The following TRAF3IP1 variants were observed in gnomAD, a reference collection of about 807,000 sequenced individuals.
TRAF3IP1 encodes the protein TRAF3-interacting protein 1.
In TRAF3IP1, 53 loss-of-function variants were observed where a neutral mutation model predicts 89.9. The ratio of observed to expected loss-of-function variants is 0.59; its 90% confidence interval spans 0.47 to 0.74. The LOEUF (loss-of-function observed/expected upper bound fraction) is 0.74. Ranked by LOEUF, TRAF3IP1 falls within the 30% of genes least tolerant of loss-of-function variation. The probability of loss-of-function intolerance (pLI) is 0.00; values close to 1 mark genes in which losing one functional copy is unlikely to be tolerated. For synonymous variants in TRAF3IP1, 311 were observed against 322.1 expected (o/e 0.97, Z 0.37); for missense variants, 806 against 866.1 (o/e 0.93, Z 0.87).
chr2:238,329,064 A>T lies in TRAF3IP1; in HGVS notation c.637A>T (p.Arg213Ter), dbSNP rs1010160458. ...CAAGGAGAATGGCGGAAACAGACAC[A>T]GAGAAGGGGAGAGAGAGAGAGCCAA... is the stretch of plus-strand genomic sequence containing the variant. ...KAKENGGNRH[R>*]EGERERAKAR... Residue 213 changes from arginine to a stop codon, truncating the protein, a stop_gained, in exon 5 of 17, where the codon AGA becomes TGA. Transcript: ENST00000373327. LOFTEE classifies it high-confidence loss of function. 2 of 1,551,554 alleles carry T rather than the reference A, an allele frequency of 1.3e-6. No individual in the cohort carries two copies. The highest frequency in any genetic ancestry group is 1.7e-6 in the Non-Finnish European group (2 of 1,147,002).
rs371256222 is a variant in TRAF3IP1, at chr2:238,388,322, CTG to C, written c.1690-9136_1690-9135del. ...CTGGGGAGGCGGAAGTTGCAGTGAG[CTG>C]AGATCGCGCCACTGCACTCCAGCCT... On this transcript the variant is annotated intron_variant, in intron 15 of 16. Coordinates refer to ENST00000373327, the MANE Select transcript of TRAF3IP1 (RefSeq NM_015650.4). Among the ~76,000 whole-genome samples, 60 of 145,916 alleles carry C rather than the reference CTG, an allele frequency of 4.1e-4. 1 individual carries two copies. The South Asian group carries it at 0.012, about 29-fold the overall frequency.
intron 15 of TRAF3IP1, among the ~76,000 whole-genome samples, chr2:238,391,932 T>A (rs1294449094): frequency 6.6e-6 from 1 of 152,262 alleles, no homozygotes. Flanking sequence ...TTGTGTATAA[T>A]AAAGACAATA....
intron 15 of TRAF3IP1, among the ~76,000 whole-genome samples, chr2:238,363,720 G>A (rs1459854894): frequency 1.3e-5 from 2 of 152,150 alleles, no homozygotes; most frequent in African/African-American, 2.4e-5. Context: ...CCAGCACTTT[G>A]GGAGGCCAAG....
At chr2:238,344,855 G>A (rs767175611) in intron 9 of TRAF3IP1, 44 of 617,766 alleles carry the variant, frequency 7.1e-5, no homozygotes, top group Non-Finnish European at 1.2e-4. Context: ...ATCACTTGGG[G>A]GGTGTCATGA....
rs757847604 is a variant in TRAF3IP1 at position 238,332,925 on chromosome 2, T to C, written c.987+30T>C. 34 of 1,527,032 alleles carry C rather than the reference T, an allele frequency of 2.2e-5. No homozygotes were observed. The East Asian group carries it at 7.0e-4, about 31-fold the overall frequency. 94.6% of individuals were successfully genotyped at this position (1,527,032 alleles called of 1,614,324 possible). On this transcript the variant is annotated intron_variant, in intron 6 of 16. Transcript: ENST00000373327. ...ACTTTAAAAAATAACTTTTAAGAGA[T>C]GTCAACTTGTAGCTGTGTTGAAATA...
At position 238,320,770 on chromosome 2, in the gene TRAF3IP1, C is replaced by CT; in HGVS notation, c.108_109insT (p.Asp37Ter). On this transcript the variant is annotated frameshift_variant, in exon 1 of 17. Transcript: ENST00000373327. LOFTEE classifies it high-confidence loss of function. ...GCAAGCCCCCGTTCCGCTACCTGCA[C>CT]GACATCATCACGGAGGTGGGCGCCG... The CT allele has an allele frequency of 1.4e-6, 2 of 1,426,922 alleles. No homozygotes were observed. Among genetic ancestry groups the CT allele is most frequent in the Middle Eastern group, 3.7e-4 (2 of 5,384 alleles). The allele number at this position is 1,426,922 out of a possible 1,614,324, so 88.4% of individuals were successfully genotyped here. A position where few individuals can be genotyped will look rare whatever the true frequency, so the allele number is the denominator to read the frequency against.
chr2:238,347,884 C>T (rs556681977), intron 10 of TRAF3IP1, among the ~76,000 whole-genome samples: 14 of 152,138 alleles, frequency 9.2e-5, no homozygotes, highest in Non-Finnish European at 1.9e-4. Flanking sequence ...GCCTCGGCCT[C>T]CCAAAGTTCT....
intron 15 of TRAF3IP1, among the ~76,000 whole-genome samples, chr2:238,371,231 G>C (rs1349652557): frequency 2.0e-5 from 3 of 152,184 alleles, no homozygotes; most frequent in African/African-American, 4.8e-5. Flanking sequence ...CAGGTAAAAA[G>C]GAAACTCACA....
rs760932962 is a variant in TRAF3IP1, at chr2:238,333,953, C to A, written c.988-7C>A. On this transcript the variant is annotated splice_region_variant and splice_polypyrimidine_tract_variant and intron_variant, in intron 6 of 16. Coordinates refer to ENST00000373327, the MANE Select transcript of TRAF3IP1 (RefSeq NM_015650.4). Reference sequence around the variant, plus strand: ...AATTAATTTCTTTTCATTCTTTTTTCTTTAAGACTGAGATTTCCACTAGAG... The same window carrying A: ...AATTAATTTCTTTTCATTCTTTTTTATTTAAGACTGAGATTTCCACTAGAG... 3 of 1,598,236 alleles carry A rather than the reference C, an allele frequency of 1.9e-6. No homozygotes were observed. The African/African-American group carries it at 4.0e-5, about 21-fold the overall frequency.
At chr2:238,392,191 T>G (rs1428320900) in intron 15 of TRAF3IP1, among the ~76,000 whole-genome samples, 2 of 152,062 alleles carry the variant, frequency 1.3e-5, no homozygotes, top group African/African-American at 4.8e-5. Flanking sequence ...GGCAACACAG[T>G]GAAACCCTGT....
At position 238,320,561 on chromosome 2, in the gene TRAF3IP1, G is replaced by A; in HGVS notation, c.-102G>A. The A allele has an allele frequency of 9.7e-7, 1 of 1,033,836 alleles. No homozygotes were observed. The highest frequency in any genetic ancestry group is 1.2e-6 in the Non-Finnish European group (1 of 861,594). The allele number at this position is 1,033,836 out of a possible 1,614,324, so 64.0% of individuals were successfully genotyped here. On this transcript the variant is annotated 5_prime_UTR_variant, in exon 1 of 17. Coordinates refer to ENST00000373327, the MANE Select transcript of TRAF3IP1 (RefSeq NM_015650.4). ...CGGAGCGGCGCGTCCTGGCAGGACCGGGCGGCGGCGGCGGCGGGGCCGGCG... is the reference window on the plus strand; with the variant it reads ...CGGAGCGGCGCGTCCTGGCAGGACCAGGCGGCGGCGGCGGCGGGGCCGGCG...
Position 238,351,738 on chromosome 2 carries a change from A to G in TRAF3IP1, c.1452-1089A>G, listed in dbSNP as rs1418501139. ...AAGGACCCAGTTGAGGAAGTCGAGGATGTTTGGGGCAATGGGTGTTATTTT... is the reference window on the plus strand; with the variant it reads ...AAGGACCCAGTTGAGGAAGTCGAGGGTGTTTGGGGCAATGGGTGTTATTTT... On this transcript the variant is annotated intron_variant, in intron 12 of 16. Transcript: ENST00000373327. The surrounding 1 kb of genome is among the most constrained non-coding windows in gnomAD (Gnocchi z 5.2). 1.3e-5 allele frequency among the ~76,000 whole-genome samples: 2 copies of G among 151,894 alleles called. No individual in the cohort carries two copies.
chr2:238,395,045 G>A (rs368957144), intron 15 of TRAF3IP1, among the ~76,000 whole-genome samples: 3 of 152,054 alleles, frequency 2.0e-5, no homozygotes, highest in African/African-American at 4.8e-5. Context: ...TGGAGTGGGT[G>A]GGGGGGTGTC....
chr2:238,328,757 G>A lies in TRAF3IP1; in HGVS notation c.426G>A (p.Leu142=). ...EKGEVKGRAS[L]TSRSQELDNK... ...GAGAAGTGAAAGGCCGGGCCTCACT[G>A]ACCTCAAGATCTCAGGAATTGGATA... The change falls in exon 4 of 17, where the codon CTG becomes CTA. Residue 142 remains leucine (L), a synonymous_variant. Transcript: ENST00000373327. The A allele has an allele frequency of 4.3e-6, 7 of 1,614,036 alleles. No homozygotes were observed. The South Asian group carries it at 5.5e-5, about 13-fold the overall frequency.
intron 15 of TRAF3IP1, among the ~76,000 whole-genome samples, chr2:238,375,008 A>G (rs923418032): frequency 6.6e-6 from 1 of 150,536 alleles, no homozygotes; most frequent in Non-Finnish European, 1.5e-5. Context: ...CATCTATTTG[A>G]TTCTTCTCTC....
At position 238,357,918 on chromosome 2, in the gene TRAF3IP1, TGAAAG is replaced by T. The variant is rs576395240; in HGVS notation, c.1689+1843_1689+1847del. Among the ~76,000 whole-genome samples the T allele has an allele frequency of 6.8e-4, 103 of 152,314 alleles. No homozygotes were observed. The Middle Eastern group carries it at 0.01, about 15-fold the overall frequency. On this transcript the variant is annotated intron_variant, in intron 15 of 16. Transcript: ENST00000373327. ...TGGTAAATCTTTGGGCTTCAGAAGA[TGAAAG>T]GAAAAGTGTCCTTTTTTGGTAAACA...
intron 7 of TRAF3IP1, among the ~76,000 whole-genome samples, chr2:238,336,266 C>T (rs990216480): frequency 1.3e-5 from 2 of 152,142 alleles, no homozygotes; most frequent in African/African-American, 4.8e-5. Flanking sequence ...TATTAGCAGA[C>T]ATTTATGGGC....
At chr2:238,358,212 G>A (rs530800622) in intron 15 of TRAF3IP1, among the ~76,000 whole-genome samples, 30 of 151,336 alleles carry the variant, frequency 2.0e-4, no homozygotes, top group African/African-American at 6.3e-4. Context: ...CCGGATTCAC[G>A]CCATTCTCCT....
intron 5 of TRAF3IP1, among the ~76,000 whole-genome samples, chr2:238,330,460 A>C (rs2106366114): frequency 6.6e-6 from 1 of 152,302 alleles, no homozygotes; most frequent in Non-Finnish European, 1.5e-5. Flanking sequence ...AAGATGTTGG[A>C]AATCATCTTG....
Sources: allele counts gnomAD v4.1 joint callset (sites outside exome capture counted in the v4.1 genomes callset), GRCh38; gene constraint gnomAD v4.1.1; non-coding constraint Gnocchi (gnomAD v3.1); transcripts MANE v1.5; gene names NCBI Gene and HGNC (gene_info 2026-07-23, HGNC 2026-07-21).